PEX14: variants seen among roughly 807,000 people sequenced by gnomAD.
The protein encoded by PEX14 is peroxisomal membrane protein PEX14.
Under a neutral mutation model 49.5 loss-of-function variants are expected in PEX14, and 15 were observed. The ratio of observed to expected loss-of-function variants is 0.30; its 90% confidence interval spans 0.20 to 0.47. The LOEUF (loss-of-function observed/expected upper bound fraction) is 0.47, where lower values mean the gene tolerates loss of function less well. Ranked by LOEUF, PEX14 falls within the 20% of genes least tolerant of loss-of-function variation. PEX14 has a pLI of 1.00. For missense variants in PEX14, 398 were observed against 494.8 expected (o/e 0.80, Z 1.86); for synonymous variants, 210 against 212.7 (o/e 0.99, Z 0.11).
At position 10,542,089 on chromosome 1, in the gene PEX14, A is replaced by AAT. The variant is rs397789068; in HGVS notation, c.169+5792_169+5793insAT. Reference sequence around the variant, plus strand: ...CATTGGCATGTATTAGTAAAAAAAAATTTTTTTTACTTTTTGAAAAGGTAA... The same window carrying AAT: ...CATTGGCATGTATTAGTAAAAAAAAAATTTTTTTTTACTTTTTGAAAAGGTAA... On this transcript the variant is annotated intron_variant, in intron 3 of 8. Coordinates refer to ENST00000356607, the MANE Select transcript of PEX14 (RefSeq NM_004565.3). Among the ~76,000 whole-genome samples, 854 of 150,894 alleles carry AAT rather than the reference A, an allele frequency of 5.7e-3. 3 individuals are homozygous for AAT. Among genetic ancestry groups the AAT allele is most frequent in the African/African-American group, 0.019 (802 of 41,158 alleles).
intron 1 of PEX14, among the ~76,000 whole-genome samples, chr1:10,486,898 AGGCTGGTCTTGAAC>A (rs1466894958): frequency 6.6e-6 from 1 of 151,974 alleles, no homozygotes; most frequent in East Asian, 1.9e-4. Flanking sequence ...CATCTTGGCC[AGGCTGGTCTTGAAC>A]TCCTGACCCT....
intron 3 of PEX14, among the ~76,000 whole-genome samples, chr1:10,572,894 T>A (rs1557852056): frequency 6.6e-6 from 1 of 152,204 alleles, no homozygotes; most frequent in Non-Finnish European, 1.5e-5. Context: ...TGTTATAGAC[T>A]GTACCTACAC....
chr1:10,537,427 A>G (rs1638852256), intron 3 of PEX14, among the ~76,000 whole-genome samples: 1 of 146,340 alleles, frequency 6.8e-6, no homozygotes, highest in African/African-American at 2.5e-5. Flanking sequence ...CATGCCATAA[A>G]AGAGTTTTTC....
chr1:10,549,775 G>A (rs114041024), intron 3 of PEX14, among the ~76,000 whole-genome samples: 1,997 of 152,276 alleles, frequency 0.013, 39 homozygotes, highest in African/African-American at 0.045. Flanking sequence ...CACTCAAAAC[G>A]TTTCAGATTT....
At chr1:10,565,555 T>G (rs968591582) in intron 3 of PEX14, among the ~76,000 whole-genome samples, 14 of 152,364 alleles carry the variant, frequency 9.2e-5, no homozygotes, top group African/African-American at 3.4e-4. Context: ...AATGCTGTTT[T>G]GATTTGAATT....
chr1:10,583,035 C>A (rs1640369727), intron 3 of PEX14, among the ~76,000 whole-genome samples: 1 of 151,896 alleles, frequency 6.6e-6, no homozygotes, highest in South Asian at 2.1e-4. Context: ...CCATACCTGG[C>A]CTGGTAACGG....
In PEX14 at chr1:10,495,100, T is replaced by C. The variant is rs1287493784; in HGVS notation, c.37-174T>C. 9.1e-6 allele frequency: 9 copies of C among 985,048 alleles called. No homozygotes were observed. The highest frequency in any genetic ancestry group is 1.1e-5 in the Non-Finnish European group (9 of 829,590). The allele number at this position is 985,048 out of a possible 1,614,324, so 61.0% of individuals were successfully genotyped here. A position where few individuals can be genotyped will look rare whatever the true frequency, so the allele number is the denominator to read the frequency against. ...TCTTCCCTGGTGAATTCAGACTCTT[T>C]GGGCTACTTTTTACAGGTAGTCCAC... On this transcript the variant is annotated intron_variant, in intron 1 of 8. Coordinates refer to ENST00000356607, the MANE Select transcript of PEX14 (RefSeq NM_004565.3). This position sits in a 1 kb window ranked among gnomAD's most constrained non-coding sequence, Gnocchi z 4.2.
intron 2 of PEX14, among the ~76,000 whole-genome samples, chr1:10,503,633 C>G (rs1280308681): frequency 2.6e-5 from 4 of 151,180 alleles, no homozygotes; most frequent in Non-Finnish European, 4.4e-5. Flanking sequence ...GCGGCAAACT[C>G]AGGATAAATC....
intron 3 of PEX14, among the ~76,000 whole-genome samples, chr1:10,547,065 G>A (rs1001187814): frequency 1.3e-5 from 2 of 152,162 alleles, no homozygotes; most frequent in African/African-American, 2.4e-5. Context: ...CACTGGAGCT[G>A]TGGAGCTCAA....
chr1:10,518,919 C>A (rs563678102), intron 2 of PEX14, among the ~76,000 whole-genome samples: 1 of 152,054 alleles, frequency 6.6e-6, no homozygotes, highest in Non-Finnish European at 1.5e-5. Context: ...TCGTTATGTC[C>A]GTTTTGTCCT....
intron 1 of PEX14, among the ~76,000 whole-genome samples, chr1:10,492,957 A>G (rs2124397435): frequency 6.6e-6 from 1 of 152,290 alleles, no homozygotes; most frequent in East Asian, 1.9e-4. Flanking sequence ...GGGAGATCTG[A>G]CCTAGTCATG....
intron 3 of PEX14, among the ~76,000 whole-genome samples, chr1:10,542,271 C>G (rs566274583): frequency 6.6e-6 from 1 of 152,298 alleles, no homozygotes; most frequent in African/African-American, 2.4e-5. Context: ...AATCTATCCA[C>G]ATGAAAGCAT....
Position 10,630,005 on chromosome 1 carries a change from C to G in PEX14, c.*18C>G, listed in dbSNP as rs765529756. Reference sequence around the variant, plus strand: ...GGGACTAGGGCTGCGCCTGCTGCCTCCAGCCCTGAGGATGGCATCTAGTGT... The same window carrying G: ...GGGACTAGGGCTGCGCCTGCTGCCTGCAGCCCTGAGGATGGCATCTAGTGT... On this transcript the variant is annotated 3_prime_UTR_variant, in exon 9 of 9. Coordinates refer to ENST00000356607, the MANE Select transcript of PEX14 (RefSeq NM_004565.3). This position sits in a 1 kb window ranked among gnomAD's most constrained non-coding sequence, Gnocchi z 4.1. The G allele has an allele frequency of 3.1e-6, 5 of 1,606,522 alleles. No homozygotes were observed. In the East Asian group the frequency reaches 1.1e-4, roughly 36 times the overall value.
intron 5 of PEX14, among the ~76,000 whole-genome samples, chr1:10,620,511 G>A (rs1641558363): frequency 6.6e-6 from 1 of 151,962 alleles, no homozygotes; most frequent in Admixed American, 6.6e-5. Flanking sequence ...AAATAAGCCA[G>A]GCGCAGTGGC....
In PEX14 at chr1:10,589,267, C is replaced by T. The variant is rs556801158; in HGVS notation, c.170-9971C>T. 1.2e-3 allele frequency among the ~76,000 whole-genome samples: 190 copies of T among 152,176 alleles called. No homozygotes were observed. The Middle Eastern group carries it at 0.034, about 27-fold the overall frequency. On this transcript the variant is annotated intron_variant, in intron 3 of 8. Coordinates refer to ENST00000356607, the MANE Select transcript of PEX14 (RefSeq NM_004565.3). ...GGAAAATAGCCTGTGACATGGTGCT[C>T]AGATTGCAAGGGTATATGGGAATGA...
chr1:10,521,907 T>A (rs1157608891), intron 2 of PEX14, among the ~76,000 whole-genome samples: 1 of 152,204 alleles, frequency 6.6e-6, no homozygotes, highest in African/African-American at 2.4e-5. Context: ...TGTCTATTAG[T>A]CTTAAAGCAG....
chr1:10,535,992 G>C, intron 2 of PEX14: 1 of 538,336 alleles, frequency 1.9e-6, no homozygotes, highest in Non-Finnish European at 3.4e-6. Context: ...TCGGCAGAGG[G>C]ATTAGATTTG....
At chr1:10,538,076 G>A (rs1188052270) in intron 3 of PEX14, among the ~76,000 whole-genome samples, 3 of 152,182 alleles carry the variant, frequency 2.0e-5, no homozygotes, top group Non-Finnish European at 4.4e-5. Context: ...CAAAATCCCT[G>A]CCCTCGCAGA....
At position 10,617,404 on chromosome 1, in the gene PEX14, A is replaced by G. The variant is rs1371404207; in HGVS notation, c.299-928A>G. On this transcript the variant is annotated intron_variant, in intron 4 of 8. Coordinates refer to ENST00000356607, the MANE Select transcript of PEX14 (RefSeq NM_004565.3). ...TGATTCACATCCCCCAGTAATTCCC[A>G]TTGCTTAGGAAAGAATATTCGGCTT... Among the ~76,000 whole-genome samples the G allele has an allele frequency of 2.0e-5, 3 of 151,958 alleles. No homozygotes were observed. The East Asian group carries it at 5.8e-4, about 29-fold the overall frequency.
Sources: gnomAD v4.1 joint callset for allele counts (sites outside exome capture counted in the v4.1 genomes callset) on GRCh38, gnomAD v4.1.1 for gene constraint, Gnocchi (gnomAD v3.1) non-coding constraint, MANE v1.5 for transcripts, NCBI Gene and HGNC (gene_info 2026-07-23, HGNC 2026-07-21) for gene names.